The following IQCH variants were observed in gnomAD, a reference collection of about 807,000 sequenced individuals.
The protein encoded by IQCH is IQ motif containing H.
Under a neutral mutation model 117.0 loss-of-function variants are expected in IQCH, and 98 were observed. The observed-to-expected ratio is 0.84, with a 90% confidence interval of 0.71 to 0.99. The LOEUF is 0.99. IQCH is among the 50% of genes least tolerant of loss of function. The pLI, the probability that IQCH is intolerant of heterozygous loss-of-function variation, is 0.00. For missense variants in IQCH, 1,102 were observed against 1,243.8 expected (o/e 0.89, Z 1.72); for synonymous variants, 412 against 448.2 (o/e 0.92, Z 1.02).
intron 6 of IQCH, among the ~76,000 whole-genome samples, chr15:67,354,104 A>G (rs1168627987): frequency 6.6e-6 from 1 of 152,196 alleles, no homozygotes; most frequent in Non-Finnish European, 1.5e-5. Flanking sequence ...AAAGAGGAAA[A>G]GCTTATCAAC....
chr15:67,309,926 A>G (rs1043085641), intron 4 of IQCH, among the ~76,000 whole-genome samples: 2 of 150,084 alleles, frequency 1.3e-5, no homozygotes, highest in African/African-American at 4.9e-5. Context: ...TAAGGGTGCT[A>G]TGGAGAATAC....
At chr15:67,288,390 G>T (rs1171655379) in intron 4 of IQCH, among the ~76,000 whole-genome samples, 1 of 151,980 alleles carries the variant, frequency 6.6e-6, no homozygotes, top group Non-Finnish European at 1.5e-5. Context: ...TTTCTCTTTA[G>T]CTCTAATAAT....
chr15:67,299,233 C>G (rs1246867703), intron 4 of IQCH, among the ~76,000 whole-genome samples: 3 of 151,732 alleles, frequency 2.0e-5, no homozygotes, highest in African/African-American at 7.3e-5. Flanking sequence ...ATTGAATTCA[C>G]TGAGATAGAG....
intron 9 of IQCH, among the ~76,000 whole-genome samples, chr15:67,372,876 G>A (rs1285671179): frequency 2.0e-5 from 3 of 151,168 alleles, no homozygotes; most frequent in Admixed American, 6.6e-5. Context: ...TCTGGCTTTC[G>A]TGCCTGCAAA....
rs2083617931 is a variant in IQCH at position 67,490,444 on chromosome 15, T to C, written c.2861+380T>C. On this transcript the variant is annotated intron_variant, in intron 19 of 20. Transcript: ENST00000335894. This position sits in a 1 kb window ranked among gnomAD's most constrained non-coding sequence, Gnocchi z 4.9. ...TGGTCTCGATCTCTTGACCTCGTGA[T>C]GCACCCACCTGGGCCTCTCAAAGTG... 1.3e-5 allele frequency among the ~76,000 whole-genome samples: 2 copies of C among 152,284 alleles called. No homozygotes were observed. The highest frequency in any genetic ancestry group is 4.1e-4 in the South Asian group (2 of 4,824).
chr15:67,367,373 C>T lies in IQCH; in HGVS notation c.754-4738C>T, dbSNP rs187629091. On this transcript the variant is annotated intron_variant, in intron 8 of 20. Transcript: ENST00000335894. ...CAAGATAGTGAGACCCTTATCTCTA[C>T]AAAAAAATTACAAAAATTAGATGGG... Among the ~76,000 whole-genome samples, 105 of 151,872 alleles carry T rather than the reference C, an allele frequency of 6.9e-4. 4 individuals are homozygous for T. In the East Asian group the frequency reaches 0.012, roughly 17 times the overall value.
rs1414934848 is a variant in IQCH at position 67,417,833 on chromosome 15, T to A, written c.2218+782T>A. ...CATGCACAAGAAGAAAGGGTTAGTA[T>A]AACAGGCCAGAGAAGGTATCTTTCC... On this transcript the variant is annotated intron_variant, in intron 15 of 20. Transcript: ENST00000335894. The surrounding 1 kb of genome is among the most constrained non-coding windows in gnomAD (Gnocchi z 4.3). 6.6e-6 allele frequency among the ~76,000 whole-genome samples: 1 copy of A among 152,122 alleles called. No homozygotes were observed. The highest frequency in any genetic ancestry group is 1.5e-5 in the Non-Finnish European group (1 of 68,024).
Position 67,365,667 on chromosome 15 carries a change from C to T in IQCH, c.753+5782C>T, listed in dbSNP as rs971223294. On this transcript the variant is annotated intron_variant, in intron 8 of 20. Transcript: ENST00000335894. This position sits in a 1 kb window ranked among gnomAD's most constrained non-coding sequence, Gnocchi z 4.4. ...TATAGAAGCCACGCACGGTGGCTCA[C>T]GCCTGTAATCCCAGCACTTTGGGAG... Among the ~76,000 whole-genome samples, 2 of 152,184 alleles carry T rather than the reference C, an allele frequency of 1.3e-5. No homozygotes were observed. The highest frequency in any genetic ancestry group is 1.9e-4 in the East Asian group (1 of 5,190).
At chr15:67,274,612 C>T (rs1230645151) in intron 3 of IQCH, among the ~76,000 whole-genome samples, 1 of 151,864 alleles carries the variant, frequency 6.6e-6, no homozygotes, top group Non-Finnish European at 1.5e-5. Flanking sequence ...CTATTTTGTT[C>T]TTGGTCAGAG....
Position 67,370,968 on chromosome 15 carries a change from G to GC in IQCH, c.754-1143_754-1142insC, listed in dbSNP as rs937416452. On this transcript the variant is annotated intron_variant, in intron 8 of 20. Coordinates refer to ENST00000335894, the MANE Select transcript of IQCH (RefSeq NM_001031715.3). The surrounding 1 kb of genome is among the most constrained non-coding windows in gnomAD (Gnocchi z 5.6). ...ATCATTATGGATAAATTGCTGGGGGGGGTTTTCTTTGAGTTTTTTGAAAAC... is the reference window on the plus strand; with the variant it reads ...ATCATTATGGATAAATTGCTGGGGGGCGGTTTTCTTTGAGTTTTTTGAAAAC... Among the ~76,000 whole-genome samples, 1 of 151,164 alleles carries GC rather than the reference G, an allele frequency of 6.6e-6. No homozygotes were observed. Among genetic ancestry groups the GC allele is most frequent in the Non-Finnish European group, 1.5e-5 (1 of 67,738 alleles).
At position 67,433,288 on chromosome 15, in the gene IQCH, G is replaced by A. The variant is rs1022550873; in HGVS notation, c.2505+11711G>A. Among the ~76,000 whole-genome samples, 6 of 152,130 alleles carry A rather than the reference G, an allele frequency of 3.9e-5. No homozygotes were observed. The highest frequency in any genetic ancestry group is 3.3e-4 in the Admixed American group (5 of 15,268). Reference sequence around the variant, plus strand: ...GATGACTTCTACAATAAGCACATGGGCAATGATGACAAATTTTTCCAGTGA... The same window carrying A: ...GATGACTTCTACAATAAGCACATGGACAATGATGACAAATTTTTCCAGTGA... On this transcript the variant is annotated intron_variant, in intron 16 of 20. Coordinates refer to ENST00000335894, the MANE Select transcript of IQCH (RefSeq NM_001031715.3). This position sits in a 1 kb window ranked among gnomAD's most constrained non-coding sequence, Gnocchi z 5.4.
chr15:67,274,713 G>A lies in IQCH; in HGVS notation c.270-4682G>A, dbSNP rs182671724. ...TCATGGTTCCTTGTTTGCTGTTGAT[G>A]TGCCTGTATGTCTGTTTCTTTGCAT... On this transcript the variant is annotated intron_variant, in intron 3 of 20. Transcript: ENST00000335894. 3.9e-5 allele frequency among the ~76,000 whole-genome samples: 6 copies of A among 152,194 alleles called. No individual in the cohort carries two copies. The East Asian group carries it at 9.6e-4, about 24-fold the overall frequency.
Position 67,417,032 on chromosome 15 carries a change from C to A in IQCH, c.2199C>A (p.Leu733=). The part of the protein sequence containing the change: ...EKRFPTWRKF[L]QTFLSQGGVI... The stretch of plus-strand genomic sequence containing the variant: ...GGTTCCCGACGTGGAGGAAATTCCT[C>A]CAAACATTTCTCAGTCAAGGTAAAT... The change falls in exon 15 of 21, where the codon CTC becomes CTA. Residue 733 remains leucine (L), a synonymous_variant. Coordinates refer to ENST00000335894, the MANE Select transcript of IQCH (RefSeq NM_001031715.3). The surrounding 1 kb of genome is among the most constrained non-coding windows in gnomAD (Gnocchi z 4.3). The A allele has an allele frequency of 6.2e-7, 1 of 1,608,540 alleles. No homozygotes were observed. The highest frequency in any genetic ancestry group is 8.5e-7 in the Non-Finnish European group (1 of 1,177,452).
rs2081882649 is a variant in IQCH at position 67,426,059 on chromosome 15, A to G, written c.2505+4482A>G. On this transcript the variant is annotated intron_variant, in intron 16 of 20. Coordinates refer to ENST00000335894, the MANE Select transcript of IQCH (RefSeq NM_001031715.3). This position sits in a 1 kb window ranked among gnomAD's most constrained non-coding sequence, Gnocchi z 5.1. Reference sequence around the variant, plus strand: ...TTCTTTGAGCATGTCTTACTTTCTGACACAATAAGATGTTCCAGGCTCATT... The same window carrying G: ...TTCTTTGAGCATGTCTTACTTTCTGGCACAATAAGATGTTCCAGGCTCATT... 2.0e-5 allele frequency among the ~76,000 whole-genome samples: 3 copies of G among 152,186 alleles called. No individual in the cohort carries two copies. The South Asian group carries it at 6.2e-4, about 32-fold the overall frequency.
In IQCH at chr15:67,501,294, C is replaced by A. The variant is rs1212654046; in HGVS notation, c.*548C>A. On this transcript the variant is annotated 3_prime_UTR_variant, in exon 21 of 21. Coordinates refer to ENST00000335894, the MANE Select transcript of IQCH (RefSeq NM_001031715.3). This position sits in a 1 kb window ranked among gnomAD's most constrained non-coding sequence, Gnocchi z 5.2. The stretch of plus-strand genomic sequence containing the variant: ...ATCGTGTTTTTGTTATACCAAGCCA[C>A]TATTGTCTGCTATTGTTGCCATTTT... The A allele has an allele frequency of 6.6e-6, 1 of 152,034 alleles. No individual in the cohort carries two copies. The highest frequency in any genetic ancestry group is 1.5e-5 in the Non-Finnish European group (1 of 67,994). The allele number at this position is 152,034 out of a possible 1,614,324, so 9.4% of individuals were successfully genotyped here. A position where few individuals can be genotyped will look rare whatever the true frequency, so the allele number is the denominator to read the frequency against.
At position 67,490,181 on chromosome 15, in the gene IQCH, C is replaced by T; in HGVS notation, c.2861+117C>T. ...GCATGCTGATTTATTAGAAGTCTATCTTTATTTAGATCTTCAGGTATTTTA... is the reference window on the plus strand; with the variant it reads ...GCATGCTGATTTATTAGAAGTCTATTTTTATTTAGATCTTCAGGTATTTTA... On this transcript the variant is annotated intron_variant, in intron 19 of 20. Transcript: ENST00000335894. This position sits in a 1 kb window ranked among gnomAD's most constrained non-coding sequence, Gnocchi z 4.9. 3 of 767,474 alleles carry T rather than the reference C, an allele frequency of 3.9e-6. No homozygotes were observed. Among genetic ancestry groups the T allele is most frequent in the East Asian group, 5.0e-5 (2 of 39,812 alleles). The allele number at this position is 767,474 out of a possible 1,614,324, so 47.5% of individuals were successfully genotyped here. A position where few individuals can be genotyped will look rare whatever the true frequency, so the allele number is the denominator to read the frequency against.
chr15:67,357,591 A>C (rs1032779542), intron 7 of IQCH, among the ~76,000 whole-genome samples, 170 bp downstream of exon 7: 1 of 152,002 alleles, frequency 6.6e-6, no homozygotes, highest in South Asian at 2.1e-4. Flanking sequence ...GTACAAGTCA[A>C]CTCTAGCATA....
intron 4 of IQCH, among the ~76,000 whole-genome samples, chr15:67,317,879 C>T (rs1967925287): frequency 6.6e-6 from 1 of 151,464 alleles, no homozygotes; most frequent in Non-Finnish European, 1.5e-5. Flanking sequence ...CCATCTCCTT[C>T]TTCCCACCCC....
rs1047363106 is a variant in IQCH, at chr15:67,453,569, T to C, written c.2506-11558T>C. ...TTGGTGAACCGCAAATGCTGCTGCC[T>C]GATCATTCCTCTGCAAGTTTTGTCT... On this transcript the variant is annotated intron_variant, in intron 16 of 20. Transcript: ENST00000335894. The surrounding 1 kb of genome is among the most constrained non-coding windows in gnomAD (Gnocchi z 5.8). 6.6e-6 allele frequency among the ~76,000 whole-genome samples: 1 copy of C among 152,208 alleles called. No individual in the cohort carries two copies. The highest frequency in any genetic ancestry group is 2.4e-5 in the African/African-American group (1 of 41,456).
Sources: gnomAD v4.1 joint callset for allele counts (sites outside exome capture counted in the v4.1 genomes callset) on GRCh38, gnomAD v4.1.1 for gene constraint, Gnocchi (gnomAD v3.1) non-coding constraint, MANE v1.5 for transcripts, NCBI Gene and HGNC (gene_info 2026-07-23, HGNC 2026-07-21) for gene names.